The following IVNS1ABP variants were observed in gnomAD, a reference collection of about 807,000 sequenced individuals.
IVNS1ABP encodes influenza virus NS1A binding protein.
IVNS1ABP carries 25 observed loss-of-function variants against 78.9 expected under a neutral mutation model. The observed-to-expected ratio is 0.32, with a 90% confidence interval of 0.23 to 0.44. IVNS1ABP has a LOEUF of 0.44. Ranked by LOEUF, IVNS1ABP falls within the 20% of genes least tolerant of loss-of-function variation. IVNS1ABP has a pLI of 1.00. For missense variants in IVNS1ABP, 494 were observed against 768.9 expected (o/e 0.64, Z 4.23); for synonymous variants, 241 against 259.7 (o/e 0.93, Z 0.69).
Position 185,300,439 on chromosome 1 carries a change from T to G in IVNS1ABP, c.1240A>C (p.Met414Leu). The G allele has an allele frequency of 6.2e-7, 1 of 1,613,596 alleles. No homozygotes were observed. Among genetic ancestry groups the G allele is most frequent in the Non-Finnish European group, 8.5e-7 (1 of 1,179,700 alleles). Residue 414 changes from methionine to leucine, a missense_variant and splice_region_variant, in exon 11 of 15, where the codon ATG (methionine) becomes CTG (leucine). Met to Leu is a conservative substitution (Grantham distance 15). Coordinates refer to ENST00000367498, the MANE Select transcript of IVNS1ABP (RefSeq NM_006469.5). ...PRARFQMAVL[M>L]GQLYVVGGSN... is the part of the protein sequence containing the mutation. Reference sequence around the variant, plus strand: ...CTCCTGCAACATAATGCGCTTACCATGAGTACAGCCATTTGAAATCGGGCT... The same window carrying G: ...CTCCTGCAACATAATGCGCTTACCAGGAGTACAGCCATTTGAAATCGGGCT...
At position 185,297,681 on chromosome 1, in the gene IVNS1ABP, T is replaced by TA. The variant is rs1430528052; in HGVS notation, c.*353dup. ...CTACATCTTTAAACCCTACCCCTTT[T>TA]ACCCCATAGTACACATTTGAGGGAA... is the stretch of plus-strand genomic sequence containing the variant. On this transcript the variant is annotated 3_prime_UTR_variant, in exon 15 of 15. Transcript: ENST00000367498. 1 of 246,954 alleles carries TA rather than the reference T, an allele frequency of 4.0e-6. No individual in the cohort carries two copies. The highest frequency in any genetic ancestry group is 2.3e-5 in the African/African-American group (1 of 44,386). The allele number at this position is 246,954 out of a possible 1,614,324, so 15.3% of individuals were successfully genotyped here. A position where few individuals can be genotyped will look rare whatever the true frequency, so the allele number is the denominator to read the frequency against.
At chr1:185,307,741 CTA>C (rs933052700) in intron 5 of IVNS1ABP, 79 bp from the exon 6 acceptor site, 37 of 1,414,842 alleles carry the variant, frequency 2.6e-5, no homozygotes, top group Non-Finnish European at 3.2e-5. Context: ...GTGGTAAAGA[CTA>C]TGTGAAGATA....
In IVNS1ABP at chr1:185,309,497, T is replaced by G. The variant is rs1344661584; in HGVS notation, c.-4A>C. 1 of 1,563,978 alleles carries G rather than the reference T, an allele frequency of 6.4e-7. No individual in the cohort carries two copies. Among genetic ancestry groups the G allele is most frequent in the Non-Finnish European group, 8.8e-7 (1 of 1,139,552 alleles). On this transcript the variant is annotated 5_prime_UTR_variant, in exon 3 of 15. Transcript: ENST00000367498. ...TCAAATATCCATTGGGAATCATTTT[T>G]CCTTATAAATTTGGCTAGATGATGA...
Position 185,307,619 on chromosome 1 carries a change from C to T in IVNS1ABP, c.401G>A (p.Cys134Tyr). The T allele has an allele frequency of 1.2e-6, 2 of 1,613,588 alleles. No homozygotes were observed. Among genetic ancestry groups the T allele is most frequent in the East Asian group, 2.2e-5 (1 of 44,838 alleles). Residue 134 changes from cysteine to tyrosine, a missense_variant, in exon 6 of 15, where the codon TGC becomes TAC. Physicochemically the swap from Cys to Tyr is radical, Grantham distance 194. Transcript: ENST00000367498. ...ACTTGCAAAATTTCGGTAAGAGATG[C>T]AGCTGGTAACATCCATTCTAGACAG... ...YLLSRMDVTS[C>Y]ISYRNFASCM...
intron 14 of IVNS1ABP, 73 bp downstream of exon 14, chr1:185,299,637 C>T (rs772712638): frequency 3.6e-6 from 5 of 1,386,560 alleles, no homozygotes; most frequent in Non-Finnish European, 1.0e-6. Flanking sequence ...TAGTCATTGG[C>T]CTTTTCTCTC....
chr1:185,313,764 A>G (rs1665945986), intron 1 of IVNS1ABP, among the ~76,000 whole-genome samples: 2 of 151,742 alleles, frequency 1.3e-5, no homozygotes, highest in African/African-American at 4.8e-5. Flanking sequence ...TTTAAAATAC[A>G]CTTTCAACTA....
intron 8 of IVNS1ABP, among the ~76,000 whole-genome samples, chr1:185,302,085 A>G (rs1307834312): frequency 1.3e-5 from 2 of 152,156 alleles, no homozygotes; most frequent in Admixed American, 1.3e-4. Context: ...TGGCAATTAC[A>G]AGAAACACTT....
intron 1 of IVNS1ABP, among the ~76,000 whole-genome samples, 182 bp downstream of exon 1, chr1:185,316,771 C>A (rs533457169): frequency 6.6e-6 from 1 of 152,300 alleles, no homozygotes; most frequent in East Asian, 1.9e-4. Flanking sequence ...GAGCGCGGGC[C>A]CAGCGCGGCG....
rs907272970 is a variant in IVNS1ABP at position 185,317,095 on chromosome 1, G to C, written c.-389C>G. On this transcript the variant is annotated 5_prime_UTR_variant, in exon 1 of 15. Coordinates refer to ENST00000367498, the MANE Select transcript of IVNS1ABP (RefSeq NM_006469.5). Reference sequence around the variant, plus strand: ...GGTCAAGTAGAAGGACGAGGGGCCAGTCCGTGGAGACTGAAAGGAAGGGGG... The same window carrying C: ...GGTCAAGTAGAAGGACGAGGGGCCACTCCGTGGAGACTGAAAGGAAGGGGG... The C allele has an allele frequency of 2.5e-6, 1 of 398,580 alleles. No homozygotes were observed. Among genetic ancestry groups the C allele is most frequent in the African/African-American group, 2.1e-5 (1 of 48,710 alleles). The allele number at this position is 398,580 out of a possible 1,614,324, so 24.7% of individuals were successfully genotyped here.
At chr1:185,316,607 G>A (rs1219845351) in intron 1 of IVNS1ABP, among the ~76,000 whole-genome samples, 1 of 152,172 alleles carries the variant, frequency 6.6e-6, no homozygotes, top group Non-Finnish European at 1.5e-5. Flanking sequence ...CCCTAACCCA[G>A]GCCCCCCAAA....
At chr1:185,306,442 A>C in intron 7 of IVNS1ABP, 1 of 1,285,208 alleles carries the variant, frequency 7.8e-7, no homozygotes, top group Non-Finnish European at 1.0e-6. Flanking sequence ...CCATTGAAAA[A>C]CACACAGCTT....
chr1:185,307,389 G>A (rs1665766540), intron 6 of IVNS1ABP, 100 bp downstream of exon 6: 1 of 978,006 alleles, frequency 1.0e-6, no homozygotes, highest in Non-Finnish European at 1.5e-6. Context: ...TAATTTCAAT[G>A]TATTATTTCA....
rs1665757644 is a variant in IVNS1ABP, at chr1:185,307,066, A to T, written c.605T>A (p.Val202Glu). The change falls in exon 7 of 15, where the codon GTG becomes GAG. Residue 202 changes from valine (V) to glutamate (E), a missense_variant. By Grantham distance (121) the Val-to-Glu change is moderately radical. Transcript: ENST00000367498. Reference protein sequence around the residue: ...GKLYTKVINWVQRSIWENGDS... With the variant: ...GKLYTKVINWEQRSIWENGDS... ...TCCATTCTCCCAGATGCTACGCTGC[A>T]CCCAGTTGATTACCTTTGTATATAA... 2 of 1,613,560 alleles carry T rather than the reference A, an allele frequency of 1.2e-6. No individual in the cohort carries two copies. Among genetic ancestry groups the T allele is most frequent in the African/African-American group, 1.3e-5 (1 of 75,008 alleles).
intron 1 of IVNS1ABP, among the ~76,000 whole-genome samples, chr1:185,312,439 A>C (rs1665912601): frequency 6.6e-6 from 1 of 152,300 alleles, no homozygotes; most frequent in Non-Finnish European, 1.5e-5. Context: ...ACATCAATAC[A>C]ACAATTCTAA....
At position 185,308,071 on chromosome 1, in the gene IVNS1ABP, AAGAC is replaced by A. The variant is rs1470924519; in HGVS notation, c.358-413_358-410del. ...AAGATAACTAGGAAATAGTTTTGGA[AAGAC>A]AGCAACTATATAAGGGAAAATCTAG... is the stretch of plus-strand genomic sequence containing the variant. On this transcript the variant is annotated intron_variant, in intron 5 of 14. Transcript: ENST00000367498. 5 of 1,541,658 alleles carry A rather than the reference AAGAC, an allele frequency of 3.2e-6. No homozygotes were observed. The African/African-American group carries it at 6.9e-5, about 21-fold the overall frequency.
In IVNS1ABP at chr1:185,308,847, CT is replaced by C; in HGVS notation, c.309del (p.Asp104MetfsTer9). 1 of 1,610,786 alleles carries C rather than the reference CT, an allele frequency of 6.2e-7. No individual in the cohort carries two copies. Among genetic ancestry groups the C allele is most frequent in the Non-Finnish European group, 8.5e-7 (1 of 1,179,522 alleles). On this transcript the variant is annotated frameshift_variant, in exon 5 of 15. Coordinates refer to ENST00000367498, the MANE Select transcript of IVNS1ABP (RefSeq NM_006469.5). LOFTEE classifies it high-confidence loss of function. Reference sequence around the variant, plus strand: ...AGCTTTTTTGCTGCAGAATAAACATCTTTTACCAATTCCTTATCTGCTTTCA... The same window carrying C: ...AGCTTTTTTGCTGCAGAATAAACATCTTTACCAATTCCTTATCTGCTTTCA... ...AQLKADKELV[K>X]DVYSAAKKLK... is the part of the protein sequence containing the mutation.
chr1:185,304,941 G>A (rs148955107), intron 8 of IVNS1ABP, among the ~76,000 whole-genome samples: 2 of 152,136 alleles, frequency 1.3e-5, no homozygotes, highest in East Asian at 1.9e-4. Flanking sequence ...TTTACTCATA[G>A]GGGAAAAATG....
At chr1:185,306,855 T>A in intron 7 of IVNS1ABP, 159 bp downstream of exon 7, 1 of 800,960 alleles carries the variant, frequency 1.2e-6, no homozygotes, top group Non-Finnish European at 1.9e-6. Context: ...TTCATTCAGC[T>A]CACCTGGACA....
intron 7 of IVNS1ABP, chr1:185,306,694 C>A: frequency 9.1e-7 from 1 of 1,102,812 alleles, no homozygotes; most frequent in Non-Finnish European, 1.1e-6. Context: ...AAATTTAAAG[C>A]AAAAACCTGT....
Sources: gnomAD v4.1 joint callset for allele counts (sites outside exome capture counted in the v4.1 genomes callset) on GRCh38, gnomAD v4.1.1 for gene constraint, MANE v1.5 for transcripts, NCBI Gene and HGNC (gene_info 2026-07-23, HGNC 2026-07-21) for gene names.